RNF141: variants seen among roughly 807,000 people sequenced by gnomAD.
The protein encoded by RNF141 is C3HC4-like zinc finger protein.
RNF141 carries 18 observed loss-of-function variants against 27.4 expected under a neutral mutation model. The observed-to-expected ratio is 0.66, with a 90% CI of 0.45 to 0.97. The LOEUF is 0.97. Among genes scored for constraint, RNF141 ranks in the 50% least tolerant of loss-of-function variants. The pLI is 0.00. For synonymous variants in RNF141, 97 were observed against 96.6 expected (o/e 1.00, Z -0.02); for missense variants, 230 against 279.4 (o/e 0.82, Z 1.26).
chr11:10,520,706 A>G (rs943092989), intron 4 of RNF141, among the ~76,000 whole-genome samples: 1 of 152,250 alleles, frequency 6.6e-6, no homozygotes, highest in African/African-American at 2.4e-5. Context: ...CTTTTATACT[A>G]TGAGCAGCAC....
chr11:10,532,202 A>G (rs1025468890), intron 2 of RNF141, among the ~76,000 whole-genome samples: 5 of 152,192 alleles, frequency 3.3e-5, no homozygotes, highest in Middle Eastern at 3.2e-3. Context: ...ATTACTGCTC[A>G]TAAGAGTTGA....
intron 2 of RNF141, among the ~76,000 whole-genome samples, chr11:10,531,459 T>A (rs1187617292): frequency 6.6e-6 from 1 of 151,980 alleles, no homozygotes; most frequent in African/African-American, 2.4e-5. Context: ...GAAAAACATC[T>A]TGCTCTTGGT....
chr11:10,532,538 C>CA (rs60120487), intron 2 of RNF141, among the ~76,000 whole-genome samples: 105 of 115,142 alleles, frequency 9.1e-4, no homozygotes, highest in Admixed American at 6.8e-3. Flanking sequence ...CACACACACA[C>CA]CCCACAACTA....
At chr11:10,527,679 C>T (rs1255463612) in intron 3 of RNF141, among the ~76,000 whole-genome samples, 6 of 151,892 alleles carry the variant, frequency 4.0e-5, no homozygotes, top group African/African-American at 1.2e-4. Flanking sequence ...GTAATATGAT[C>T]TAATTTACAT....
At chr11:10,525,471 A>G in intron 3 of RNF141, 98 bp from the exon 4 acceptor site, 1 of 893,732 alleles carries the variant, frequency 1.1e-6, no homozygotes, top group Non-Finnish European at 1.7e-6. Context: ...CATCCTAGGA[A>G]ATAGGAGTTT....
chr11:10,518,497 ATAT>A (rs1564865401), intron 5 of RNF141: 2 of 152,244 alleles, frequency 1.3e-5, no homozygotes, highest in African/African-American at 2.4e-5. Flanking sequence ...AAAAAAGCAC[ATAT>A]TATATGATTC....
At chr11:10,536,359 G>C (rs1313516471) in intron 1 of RNF141, among the ~76,000 whole-genome samples, 1 of 152,162 alleles carries the variant, frequency 6.6e-6, no homozygotes, top group Non-Finnish European at 1.5e-5. Context: ...GAGGCAAAGG[G>C]AGAGGGAAAC....
rs370073182 is a variant in RNF141, at chr11:10,533,722, A to G, written c.143+294T>C. 5.5e-4 allele frequency among the ~76,000 whole-genome samples: 83 copies of G among 152,238 alleles called. No homozygotes were observed. The South Asian group carries it at 0.017, about 31-fold the overall frequency. ...TGCTTTCAAACAAGAGTCTATTGGT[A>G]TAAAATTGAGATGCTGGGATGTACT... On this transcript the variant is annotated intron_variant, in intron 2 of 5. Transcript: ENST00000265981.
At chr11:10,532,496 T>TACACACACAC (rs10559393) in intron 2 of RNF141, among the ~76,000 whole-genome samples, 28 of 131,256 alleles carry the variant, frequency 2.1e-4, no homozygotes, top group African/African-American at 3.2e-4. Flanking sequence ...GTTCATTTTC[T>TACACACACAC]ACACACACAC....
At chr11:10,522,277 A>G (rs565935762) in intron 4 of RNF141, among the ~76,000 whole-genome samples, 4 of 152,338 alleles carry the variant, frequency 2.6e-5, no homozygotes, top group African/African-American at 9.6e-5. Flanking sequence ...AATATTCTGA[A>G]GGCTGGACTT....
intron 3 of RNF141, among the ~76,000 whole-genome samples, chr11:10,527,856 TAGATGGTGAGA>T (rs879723635): frequency 3.3e-5 from 5 of 152,068 alleles, no homozygotes; most frequent in Non-Finnish European, 7.4e-5. Flanking sequence ...GGTAGTAGCG[TAGATGGTGAGA>T]GCTAGCCAGA....
intron 2 of RNF141, 121 bp downstream of exon 2, chr11:10,533,895 T>C: frequency 1.2e-6 from 1 of 854,720 alleles, no homozygotes; most frequent in Non-Finnish European, 1.8e-6. Flanking sequence ...TATTTGTTAA[T>C]GCTAACTGAA....
intron 5 of RNF141, 31 bp downstream of exon 5, chr11:10,519,003 G>A (rs1849864407): frequency 1.3e-6 from 2 of 1,559,408 alleles, no homozygotes; most frequent in African/African-American, 2.7e-5. Flanking sequence ...ACTGACCTTG[G>A]CCCAGCCCAT....
At chr11:10,530,577 T>A in intron 3 of RNF141, 66 bp downstream of exon 3, 1 of 800,050 alleles carries the variant, frequency 1.2e-6, no homozygotes, top group African/African-American at 1.8e-5. Flanking sequence ...TATCTTACAG[T>A]ATTAAATATA....
chr11:10,530,054 T>C (rs1038286322), intron 3 of RNF141, among the ~76,000 whole-genome samples: 10 of 152,052 alleles, frequency 6.6e-5, no homozygotes, highest in Admixed American at 3.9e-4. Flanking sequence ...AGAGCCGGGG[T>C]GGGGATAGGA....
chr11:10,521,659 G>A (rs764957940), intron 4 of RNF141, among the ~76,000 whole-genome samples: 12 of 152,340 alleles, frequency 7.9e-5, no homozygotes, highest in Non-Finnish European at 1.5e-4. Context: ...GCTAAGTAAA[G>A]AAGGAAGAGA....
chr11:10,532,520 CA>C (rs1564868724), intron 2 of RNF141, among the ~76,000 whole-genome samples: 3 of 146,232 alleles, frequency 2.1e-5, no homozygotes, highest in African/African-American at 7.3e-5. Flanking sequence ...CACACACACA[CA>C]CACACACACA....
intron 3 of RNF141, among the ~76,000 whole-genome samples, chr11:10,527,655 T>G (rs1010671205): frequency 1.8e-4 from 26 of 143,404 alleles, no homozygotes; most frequent in Admixed American, 9.1e-4. Flanking sequence ...CGGGGGGGGG[T>G]TTTGAGCCAA....
intron 1 of RNF141, among the ~76,000 whole-genome samples, chr11:10,539,691 C>CATATAT (rs1554905298): frequency 5.0e-5 from 2 of 40,328 alleles, no homozygotes; most frequent in Non-Finnish European, 1.0e-4. Context: ...AAGATACATA[C>CATATAT]ATATATATTA....
Sources: allele counts gnomAD v4.1 joint callset (sites outside exome capture counted in the v4.1 genomes callset), GRCh38; gene constraint gnomAD v4.1.1; transcripts MANE v1.5; gene names NCBI Gene and HGNC (gene_info 2026-07-23, HGNC 2026-07-21).